The following AGAP1 variants were observed in gnomAD, a reference collection of about 807,000 sequenced individuals.
AGAP1 encodes the protein arf-GAP with GTPase, ANK repeat and PH domain-containing protein 1.
AGAP1 carries 29 observed loss-of-function variants against 105.3 expected under a neutral mutation model. That is an observed-to-expected ratio of 0.28 (90% CI 0.21 to 0.38). AGAP1 has a LOEUF of 0.38. Among genes scored for constraint, AGAP1 ranks in the 10% least tolerant of loss-of-function variants. AGAP1 has a pLI of 1.00. For missense variants in AGAP1, 998 were observed against 1,165.1 expected, an observed-to-expected ratio of 0.86 and a Z score of 2.09; for synonymous variants, 509 against 485.9, an observed-to-expected ratio of 1.05 and a Z score of -0.63.
Position 235,887,036 on chromosome 2 carries a change from G to A in AGAP1, c.1155+3587G>A, listed in dbSNP as rs988625041. ...TTTCCTTCATAAGAAACTTGAGAAT[G>A]TGCAAATGTGTTGCTAGTTCAGGTC... On this transcript the variant is annotated intron_variant, in intron 10 of 17. Coordinates refer to ENST00000304032, the MANE Select transcript of AGAP1 (RefSeq NM_001037131.3). This position sits in a 1 kb window ranked among gnomAD's most constrained non-coding sequence, Gnocchi z 4.1. Among the ~76,000 whole-genome samples the A allele has an allele frequency of 6.6e-6, 1 of 152,186 alleles. No homozygotes were observed. The highest frequency in any genetic ancestry group is 2.4e-5 in the African/African-American group (1 of 41,432).
intron 6 of AGAP1, among the ~76,000 whole-genome samples, chr2:235,765,644 C>T (rs868132682): frequency 7.4e-4 from 112 of 152,284 alleles, no homozygotes; most frequent in African/African-American, 2.5e-3. Context: ...TTGCCTTGTA[C>T]GTGTCTACGT....
chr2:235,511,642 A>G (rs1056381990), intron 1 of AGAP1, among the ~76,000 whole-genome samples: 1 of 151,976 alleles, frequency 6.6e-6, no homozygotes, highest in African/African-American at 2.4e-5. Flanking sequence ...GCCAAGAGAA[A>G]ATCTCCTGGA....
intron 11 of AGAP1, among the ~76,000 whole-genome samples, chr2:235,910,808 T>C (rs1346704686): frequency 6.6e-6 from 1 of 151,830 alleles, no homozygotes; most frequent in Admixed American, 6.6e-5. Context: ...TTCCAGCTAC[T>C]CAGGAGGCTA....
At chr2:235,892,362 A>T (rs1559615106) in intron 10 of AGAP1, among the ~76,000 whole-genome samples, 1 of 152,188 alleles carries the variant, frequency 6.6e-6, no homozygotes, top group African/African-American at 2.4e-5. Flanking sequence ...CCTGCAACAC[A>T]TAAACCCTTT....
At chr2:235,935,084 C>A (rs1167837550) in intron 12 of AGAP1, among the ~76,000 whole-genome samples, 1 of 152,122 alleles carries the variant, frequency 6.6e-6, no homozygotes, top group African/African-American at 2.4e-5. Flanking sequence ...AGAAAAGAAT[C>A]CATTTCGTGA....
chr2:235,768,693 C>G (rs543427356), intron 6 of AGAP1, among the ~76,000 whole-genome samples: 1 of 152,210 alleles, frequency 6.6e-6, no homozygotes, highest in South Asian at 2.1e-4. Flanking sequence ...TGCACGGTGC[C>G]GGGGCACATT....
At chr2:235,520,790 C>T (rs1053926116) in intron 1 of AGAP1, among the ~76,000 whole-genome samples, 1 of 152,114 alleles carries the variant, frequency 6.6e-6, no homozygotes, top group Admixed American at 6.5e-5. Flanking sequence ...GTTTAGTAGA[C>T]TCCGTTTAAA....
intron 5 of AGAP1, among the ~76,000 whole-genome samples, chr2:235,745,990 G>C (rs1490174495): frequency 6.6e-6 from 1 of 152,188 alleles, no homozygotes; most frequent in Non-Finnish European, 1.5e-5. Flanking sequence ...GCCAGGCATG[G>C]TGGTGCATGC....
At chr2:235,648,277 C>T (rs1187551711) in intron 1 of AGAP1, among the ~76,000 whole-genome samples, 1 of 152,082 alleles carries the variant, frequency 6.6e-6, no homozygotes. Flanking sequence ...TTTCTTTTGT[C>T]TGCTGTTGTT....
At chr2:236,068,797 CA>C (rs35724496) in intron 16 of AGAP1, among the ~76,000 whole-genome samples, 16,049 of 57,964 alleles carry the variant, frequency 0.28, 646 homozygotes, top group South Asian at 0.35. Flanking sequence ...GACTCCGTCT[CA>C]AAAAAAAAAA....
chr2:235,871,322 A>T (rs888545593), intron 9 of AGAP1, among the ~76,000 whole-genome samples: 2 of 152,228 alleles, frequency 1.3e-5, no homozygotes, highest in African/African-American at 4.8e-5. Flanking sequence ...CGTATTTAAC[A>T]GAGCCAGGAG....
rs79461067 is a variant in AGAP1 at position 235,553,373 on chromosome 2, A to G, written c.163+58524A>G. Reference sequence around the variant, plus strand: ...TGGTCAGGTCACGATGTTCCTGTGAATTTTTAATAAAACATAGTTGTTTAC... The same window carrying G: ...TGGTCAGGTCACGATGTTCCTGTGAGTTTTTAATAAAACATAGTTGTTTAC... On this transcript the variant is annotated intron_variant, in intron 1 of 17. Coordinates refer to ENST00000304032, the MANE Select transcript of AGAP1 (RefSeq NM_001037131.3). This position sits in a 1 kb window ranked among gnomAD's most constrained non-coding sequence, Gnocchi z 4.5. 0.065 allele frequency among the ~76,000 whole-genome samples: 9,860 copies of G among 152,080 alleles called. 453 individuals carry two copies. Among genetic ancestry groups the G allele is most frequent in the South Asian group, 0.18 (847 of 4,806 alleles).
At chr2:235,613,026 GTT>G (rs397935531) in intron 1 of AGAP1, among the ~76,000 whole-genome samples, 16 of 135,052 alleles carry the variant, frequency 1.2e-4, no homozygotes, top group East Asian at 4.2e-4. Context: ...TTTCAGTTTT[GTT>G]TTTTTTTTTT....
intron 1 of AGAP1, among the ~76,000 whole-genome samples, chr2:235,576,912 C>A (rs920891586): frequency 6.6e-6 from 1 of 152,196 alleles, no homozygotes; most frequent in Admixed American, 6.5e-5. Context: ...GTTGGGTTGG[C>A]GAGATGGCCT....
rs1031576106 is a variant in AGAP1 at position 235,801,601 on chromosome 2, G to T, written c.957+2079G>T. ...GCCCCTGTCTACCCCCAGGCTGGGG[G>T]GCTTTGGGTTGAAGTGTTTCCTGCT... On this transcript the variant is annotated intron_variant, in intron 8 of 17. Transcript: ENST00000304032. The surrounding 1 kb of genome is among the most constrained non-coding windows in gnomAD (Gnocchi z 6.0). Among the ~76,000 whole-genome samples, 1 of 151,998 alleles carries T rather than the reference G, an allele frequency of 6.6e-6. No homozygotes were observed. The highest frequency in any genetic ancestry group is 1.5e-5 in the Non-Finnish European group (1 of 68,002).
chr2:235,892,165 A>G (rs1265280497), intron 10 of AGAP1, among the ~76,000 whole-genome samples: 1 of 151,954 alleles, frequency 6.6e-6, no homozygotes, highest in Non-Finnish European at 1.5e-5. Flanking sequence ...AAAAAAAAAA[A>G]AGTCCTTCTT....
intron 6 of AGAP1, among the ~76,000 whole-genome samples, chr2:235,778,690 T>C (rs6761949): frequency 0.74 from 112,410 of 152,088 alleles, 42,566 homozygotes; most frequent in East Asian, 0.99. Flanking sequence ...ATGATAGAGG[T>C]CCTGCCAGTG....
Position 235,927,536 on chromosome 2 carries a change from G to T in AGAP1, c.1325-3229G>T, listed in dbSNP as rs1318522830. Among the ~76,000 whole-genome samples, 1 of 152,200 alleles carries T rather than the reference G, an allele frequency of 6.6e-6. No individual in the cohort carries two copies. The highest frequency in any genetic ancestry group is 1.5e-5 in the Non-Finnish European group (1 of 68,028). On this transcript the variant is annotated intron_variant, in intron 11 of 17. Transcript: ENST00000304032. This position sits in a 1 kb window ranked among gnomAD's most constrained non-coding sequence, Gnocchi z 4.4. ...TTTTGGCAGTGTGATGTTTGGCCAT[G>T]AGATGAAGAACTCATAAACCTAAGA...
intron 1 of AGAP1, among the ~76,000 whole-genome samples, chr2:235,547,501 G>A (rs1943665421): frequency 6.6e-6 from 1 of 151,924 alleles, no homozygotes; most frequent in Non-Finnish European, 1.5e-5. Flanking sequence ...TGGGATTACA[G>A]ACATGCACCA....
Sources: gnomAD v4.1 joint callset for allele counts (sites outside exome capture counted in the v4.1 genomes callset) on GRCh38, gnomAD v4.1.1 for gene constraint, Gnocchi (gnomAD v3.1) non-coding constraint, MANE v1.5 for transcripts, NCBI Gene and HGNC (gene_info 2026-07-23, HGNC 2026-07-21) for gene names.